FAF2: variants seen among roughly 807,000 people sequenced by gnomAD.
FAF2 encodes the protein Fas associated factor family member 2.
A neutral mutation model predicts 62.3 loss-of-function variants in FAF2; 9 were observed. That is an observed-to-expected ratio of 0.14 (90% CI 0.09 to 0.25). The LOEUF (loss-of-function observed/expected upper bound fraction) is 0.25. FAF2 is among the 10% of genes least tolerant of loss of function. The pLI is 1.00. For missense variants in FAF2, 368 were observed against 556.2 expected, an observed-to-expected ratio of 0.66 and a Z score of 3.40; for synonymous variants, 202 against 198.0, an observed-to-expected ratio of 1.02 and a Z score of -0.17.
chr5:176,451,855 TAC>T lies in FAF2; in HGVS notation c.63+3389_63+3390del, dbSNP rs1171082539. Among the ~76,000 whole-genome samples the T allele has an allele frequency of 9.0e-4, 35 of 38,940 alleles. 2 individuals carry two copies. Among genetic ancestry groups the T allele is most frequent in the South Asian group, 3.7e-3 (3 of 814 alleles). 25.5% of individuals were successfully genotyped at this position (38,940 alleles called of 152,430 possible). A position where few individuals can be genotyped will look rare whatever the true frequency, so the allele number is the denominator to read the frequency against. ...ATATATATATATACACACATATATA[TAC>T]ACATATATATATACACACATATATA... On this transcript the variant is annotated intron_variant, in intron 1 of 10. Transcript: ENST00000261942.
chr5:176,450,817 A>T (rs1271034138), intron 1 of FAF2, among the ~76,000 whole-genome samples: 1 of 152,194 alleles, frequency 6.6e-6, no homozygotes, highest in African/African-American at 2.4e-5. Context: ...CTGGGATTAC[A>T]GGCGTGAGCC....
intron 10 of FAF2, 131 bp downstream of exon 10, chr5:176,500,277 G>A: frequency 1.1e-6 from 1 of 892,870 alleles, no homozygotes; most frequent in Non-Finnish European, 1.7e-6. Context: ...GAGAGAGAGA[G>A]AGATGGGTAT....
In FAF2 at chr5:176,451,890, A is replaced by AT. The variant is rs1758192350; in HGVS notation, c.63+3421dup. On this transcript the variant is annotated intron_variant, in intron 1 of 10. Transcript: ENST00000261942. The stretch of plus-strand genomic sequence containing the variant: ...TATATACACACATATATATATATAT[A>AT]TATTTTTTTTTTTTTTTTTTTTTTT... Among the ~76,000 whole-genome samples, 14 of 34,220 alleles carry AT rather than the reference A, an allele frequency of 4.1e-4. 1 individual carries two copies. The highest frequency in any genetic ancestry group is 6.2e-4 in the East Asian group (1 of 1,604). The allele number at this position is 34,220 out of a possible 152,430, so 22.4% of individuals were successfully genotyped here. A position where few individuals can be genotyped will look rare whatever the true frequency, so the allele number is the denominator to read the frequency against.
chr5:176,454,961 A>C (rs1303752154), intron 1 of FAF2, among the ~76,000 whole-genome samples: 1 of 152,212 alleles, frequency 6.6e-6, no homozygotes, highest in Admixed American at 6.5e-5. Context: ...TATGTTTGTC[A>C]CATGTGTTTA....
intron 1 of FAF2, among the ~76,000 whole-genome samples, chr5:176,452,099 C>T (rs1561813838): frequency 6.6e-6 from 1 of 150,394 alleles, no homozygotes; most frequent in Non-Finnish European, 1.5e-5. Flanking sequence ...GCTCTGTTGC[C>T]CTGGCTGGGG....
chr5:176,492,205 G>A lies in FAF2; in HGVS notation c.356G>A (p.Arg119His), dbSNP rs1758982961. 7 of 1,614,090 alleles carry A rather than the reference G, an allele frequency of 4.3e-6. No homozygotes were observed. Among genetic ancestry groups the A allele is most frequent in the East Asian group, 4.5e-5 (2 of 44,884 alleles). ...TILDIFRFAL[R>H]FIRPDPRSRV... ...TCCTTCCTCCCCAGGTTTGCTCTTC[G>A]TTTTATACGGCCTGACCCTCGCAGC... is the stretch of plus-strand genomic sequence containing the variant. The change falls in exon 5 of 11, where the codon CGT (arginine) becomes CAT (histidine). Residue 119 changes from arginine to histidine, a missense_variant. Around this residue, in one of 2 missense-constraint regions of FAF2, gnomAD observed 331 missense variants for 441.9 expected, o/e 0.75. Transcript: ENST00000261942.
intron 8 of FAF2, chr5:176,496,912 C>A: frequency 3.9e-6 from 1 of 257,052 alleles, no homozygotes; most frequent in Non-Finnish European, 7.3e-6. Flanking sequence ...AATCCTAGCA[C>A]GTTAGGAGGC....
chr5:176,498,131 CA>C (rs35192563), intron 8 of FAF2, among the ~76,000 whole-genome samples: 2 of 147,086 alleles, frequency 1.4e-5, no homozygotes, highest in African/African-American at 2.5e-5. Flanking sequence ...GCCCTGTCTC[CA>C]AAAAAAAAGA....
intron 1 of FAF2, among the ~76,000 whole-genome samples, chr5:176,463,078 G>A (rs1387567105): frequency 6.6e-6 from 1 of 152,114 alleles, no homozygotes; most frequent in Non-Finnish European, 1.5e-5. Context: ...TCTGTTAAGT[G>A]AAAGAATCAA....
chr5:176,455,495 A>G (rs2113715353), intron 1 of FAF2, among the ~76,000 whole-genome samples: 1 of 150,656 alleles, frequency 6.6e-6, no homozygotes, highest in East Asian at 2.0e-4. Flanking sequence ...CACGCCTGTA[A>G]TCCCAGCACT....
intron 1 of FAF2, among the ~76,000 whole-genome samples, chr5:176,466,911 A>G (rs1436801110): frequency 6.6e-6 from 1 of 152,176 alleles, no homozygotes; most frequent in East Asian, 1.9e-4. Context: ...AGATGCCCCA[A>G]AAGTAAATAA....
At chr5:176,489,159 T>C (rs1263613935) in intron 4 of FAF2, 132 bp downstream of exon 4, 2 of 595,902 alleles carry the variant, frequency 3.4e-6, no homozygotes, top group African/African-American at 3.8e-5. Context: ...CTTCCCGAAC[T>C]GTCTTTTAAT....
At chr5:176,466,546 A>C (rs1758472321) in intron 1 of FAF2, among the ~76,000 whole-genome samples, 1 of 152,244 alleles carries the variant, frequency 6.6e-6, no homozygotes, top group Non-Finnish European at 1.5e-5. Context: ...CTGGTTACCC[A>C]ATCCCTATCC....
intron 1 of FAF2, among the ~76,000 whole-genome samples, chr5:176,476,702 G>A (rs1429981254): frequency 7.3e-6 from 1 of 137,890 alleles, no homozygotes; most frequent in Non-Finnish European, 1.5e-5. Context: ...GCATGATCTC[G>A]GCTCACCACA....
At position 176,461,234 on chromosome 5, in the gene FAF2, G is replaced by A. The variant is rs139519101; in HGVS notation, c.63+12764G>A. Among the ~76,000 whole-genome samples the A allele has an allele frequency of 2.6e-3, 384 of 148,368 alleles. 4 individuals carry two copies. The highest frequency in any genetic ancestry group is 8.8e-3 in the African/African-American group (355 of 40,388). On this transcript the variant is annotated intron_variant, in intron 1 of 10. Coordinates refer to ENST00000261942, the MANE Select transcript of FAF2 (RefSeq NM_014613.3). ...TCACTGTGTTGTCCAGGCTGGTCTC[G>A]AACTCCTGACCTCAAGCAGTCCACC...
At chr5:176,466,054 C>A (rs1336808754) in intron 1 of FAF2, among the ~76,000 whole-genome samples, 1 of 152,178 alleles carries the variant, frequency 6.6e-6, no homozygotes, top group African/African-American at 2.4e-5. Context: ...TCAATACTTA[C>A]AGTATCTGTT....
intron 1 of FAF2, among the ~76,000 whole-genome samples, chr5:176,475,716 C>T (rs897529146): frequency 3.3e-5 from 5 of 151,664 alleles, no homozygotes; most frequent in African/African-American, 7.3e-5. Context: ...TGCAGTGAGC[C>T]GAGACCGTGC....
chr5:176,502,948 T>A lies in FAF2; in HGVS notation c.1155+2802T>A, dbSNP rs1755620154. 2.0e-5 allele frequency among the ~76,000 whole-genome samples: 3 copies of A among 151,696 alleles called. No homozygotes were observed. In the South Asian group the frequency reaches 6.2e-4, roughly 32 times the overall value. ...CAGTAGTCCCAGCTACTCGGGAGGC[T>A]GAGGCAGGAGAATTGCTTGAACCCG... On this transcript the variant is annotated intron_variant, in intron 10 of 10. Transcript: ENST00000261942.
chr5:176,458,665 A>C (rs1045723432), intron 1 of FAF2, among the ~76,000 whole-genome samples: 1 of 151,980 alleles, frequency 6.6e-6, no homozygotes, highest in Non-Finnish European at 1.5e-5. Flanking sequence ...CAGCCTTCCA[A>C]AGTGCTGGGA....
Sources: allele counts gnomAD v4.1 joint callset (sites outside exome capture counted in the v4.1 genomes callset), GRCh38; gene constraint gnomAD v4.1.1; regional missense constraint gnomAD v4.1.1; transcripts MANE v1.5; gene names NCBI Gene and HGNC (gene_info 2026-07-23, HGNC 2026-07-21).